Variants in HYAL4 observed in about 807,000 individuals in gnomAD.
HYAL4 encodes the protein hyaluronidase-4.
HYAL4 carries 37 observed loss-of-function variants against 35.2 expected under a neutral mutation model. The observed-to-expected ratio is 1.05, with a 90% confidence interval of 0.81 to 1.38. The LOEUF is 1.38. Among genes scored for constraint, HYAL4 ranks in the 40% most tolerant of loss-of-function variants. HYAL4 has a pLI of 0.00. For missense variants in HYAL4, 572 were observed against 572.4 expected (o/e 1.00, Z 0.01); for synonymous variants, 198 against 203.2 (o/e 0.97, Z 0.22).
chr7:123,773,240 GT>G, the HYAL4 span, among the ~76,000 whole-genome samples: 6 of 152,052 alleles, frequency 3.9e-5, no homozygotes, highest in Non-Finnish European at 8.8e-5. Context: ...ATGAGTTCCT[GT>G]TTGTGCTCTT....
At chr7:123,809,879 C>G in the HYAL4 span, among the ~76,000 whole-genome samples, 1 of 152,132 alleles carries the variant, frequency 6.6e-6, no homozygotes, top group African/African-American at 2.4e-5. Flanking sequence ...TATTGAACAG[C>G]CCCAGTTGAT....
intron 1 of HYAL4, among the ~76,000 whole-genome samples, chr7:123,833,607 GT>G (rs1194640464): frequency 2.0e-5 from 3 of 151,784 alleles, no homozygotes; most frequent in Non-Finnish European, 2.9e-5. Flanking sequence ...ATTTATCTTT[GT>G]TTTTTTCATG....
At chr7:123,840,392 T>C (rs1261294926), upstream of HYAL4, among the ~76,000 whole-genome samples, 2 of 152,164 alleles carry the variant, frequency 1.3e-5, no homozygotes, top group East Asian at 3.9e-4. Context: ...TACTGTAGCC[T>C]TGTAGTATAG....
chr7:123,860,076 C>T (rs1194784830), intron 2 of HYAL4, among the ~76,000 whole-genome samples: 2 of 152,176 alleles, frequency 1.3e-5, no homozygotes, highest in Non-Finnish European at 2.9e-5. Flanking sequence ...ATGCTGTTCT[C>T]CTGATAATGC....
In HYAL4 at chr7:123,868,596, T is replaced by C. The variant is rs766351050; in HGVS notation, c.323T>C (p.Ile108Thr). The C allele has an allele frequency of 6.2e-7, 1 of 1,614,208 alleles. No homozygotes were observed. Among genetic ancestry groups the C allele is most frequent in the Non-Finnish European group, 8.5e-7 (1 of 1,180,022 alleles). Residue 108 changes from isoleucine to threonine, a missense_variant, in exon 3 of 5, where the codon ATT becomes ACT. Ile to Thr is a moderately conservative substitution (Grantham distance 89, BLOSUM62 -1). Coordinates refer to ENST00000223026, the MANE Select transcript of HYAL4 (RefSeq NM_012269.3). ...YPWYTSQGVP[I>T]NGGLPQNISL... ...TGGTATACATCACAAGGGGTCCCCA[T>C]TAATGGAGGTCTCCCACAGAACATA...
At chr7:123,772,722 A>T in the HYAL4 span, among the ~76,000 whole-genome samples, 7 of 152,202 alleles carry the variant, frequency 4.6e-5, no homozygotes, top group Non-Finnish European at 8.8e-5. Flanking sequence ...GTGGAAAGTG[A>T]AGCATCTTCG....
the HYAL4 span, among the ~76,000 whole-genome samples, chr7:123,813,897 C>G: frequency 6.6e-6 from 1 of 152,268 alleles, no homozygotes; most frequent in East Asian, 1.9e-4. Context: ...ACCAGAATGG[C>G]TAGCAGCTAG....
upstream of HYAL4, among the ~76,000 whole-genome samples, chr7:123,828,449 C>CACACACACAG (rs915077400): frequency 6.6e-6 from 1 of 151,080 alleles, no homozygotes; most frequent in African/African-American, 2.4e-5. Flanking sequence ...CACACACACA[C>CACACACACAG]ACACACACAC....
At chr7:123,765,472 T>C in the HYAL4 span, among the ~76,000 whole-genome samples, 1 of 152,228 alleles carries the variant, frequency 6.6e-6, no homozygotes, top group South Asian at 2.1e-4. Flanking sequence ...ATGGGAAATG[T>C]GGTATGAAAG....
chr7:123,793,397 A>G, the HYAL4 span, among the ~76,000 whole-genome samples: 4 of 152,226 alleles, frequency 2.6e-5, no homozygotes, highest in Non-Finnish European at 4.4e-5. Context: ...TCATGTTATT[A>G]TATAGAACAT....
At chr7:123,797,128 G>T in the HYAL4 span, among the ~76,000 whole-genome samples, 1 of 152,216 alleles carries the variant, frequency 6.6e-6, no homozygotes, top group African/African-American at 2.4e-5. Context: ...TGGGGGCAAA[G>T]TCAGGTAAAA....
chr7:123,801,425 T>C, the HYAL4 span, among the ~76,000 whole-genome samples: 1 of 152,190 alleles, frequency 6.6e-6, no homozygotes. Flanking sequence ...TTTAAGGTAC[T>C]CATTAGCTTG....
the HYAL4 span, among the ~76,000 whole-genome samples, chr7:123,778,360 C>T: frequency 6.6e-6 from 1 of 152,066 alleles, no homozygotes; most frequent in Non-Finnish European, 1.5e-5. Context: ...TGCAGGTATC[C>T]ATTATACAAT....
At chr7:123,876,196 C>T (rs1383129160) in intron 4 of HYAL4, 2 of 341,478 alleles carry the variant, frequency 5.9e-6, no homozygotes, top group South Asian at 2.3e-5. Context: ...GTACAGGACC[C>T]AGGACAGTTG....
chr7:123,805,720 T>C, the HYAL4 span, among the ~76,000 whole-genome samples: 1 of 152,178 alleles, frequency 6.6e-6, no homozygotes, highest in South Asian at 2.1e-4. Context: ...CAAAATCCAC[T>C]GTACTAATTG....
the HYAL4 span, among the ~76,000 whole-genome samples, chr7:123,777,028 G>C: frequency 6.6e-6 from 1 of 152,138 alleles, no homozygotes; most frequent in Non-Finnish European, 1.5e-5. Flanking sequence ...TGGGAAATAC[G>C]TAGGAGAATA....
the HYAL4 span, among the ~76,000 whole-genome samples, chr7:123,780,723 A>C: frequency 6.6e-6 from 1 of 151,726 alleles, no homozygotes; most frequent in Admixed American, 6.6e-5. Context: ...TTATGTACTA[A>C]GAAAAATTCT....
At chr7:123,861,292 A>G (rs1235370945) in intron 2 of HYAL4, among the ~76,000 whole-genome samples, 1 of 152,210 alleles carries the variant, frequency 6.6e-6, no homozygotes, top group Admixed American at 6.5e-5. Context: ...TTGACTATGG[A>G]CATTGGAAAG....
rs75407300 is a variant in HYAL4, at chr7:123,847,219, C to T, written c.-121-870C>T. Among the ~76,000 whole-genome samples the T allele has an allele frequency of 2.4e-4, 37 of 152,254 alleles. 1 individual carries two copies. In the South Asian group the frequency reaches 3.7e-3, roughly 15 times the overall value. On this transcript the variant is annotated intron_variant, in intron 1 of 4. Coordinates refer to ENST00000223026, the MANE Select transcript of HYAL4 (RefSeq NM_012269.3). ...GTTTTTGTTTGTTTTTGTCTTTCTA[C>T]TTTTAAAAAATTTCTGAGATATACT...
Sources: gnomAD v4.1 joint callset for allele counts (sites outside exome capture counted in the v4.1 genomes callset) on GRCh38, gnomAD v4.1.1 for gene constraint, MANE v1.5 for transcripts, NCBI Gene and HGNC (gene_info 2026-07-23, HGNC 2026-07-21) for gene names.